HAVCR1: variants seen among roughly 807,000 people sequenced by gnomAD.
HAVCR1 encodes the protein T cell immunoglobin domain and mucin domain protein 1.
A neutral mutation model predicts 32.0 loss-of-function variants in HAVCR1; 34 were observed. The ratio of observed to expected loss-of-function variants is 1.06; its 90% CI spans 0.81 to 1.42. The LOEUF (loss-of-function observed/expected upper bound fraction) is 1.42. HAVCR1 is among the 40% of genes most tolerant of loss of function. The pLI is 0.00. For missense variants in HAVCR1, 420 were observed against 442.3 expected (o/e 0.95, Z 0.45); for synonymous variants, 178 against 170.3 (o/e 1.05, Z -0.35).
At chr5:157,041,454 C>T (rs1478636652) in intron 6 of HAVCR1, among the ~76,000 whole-genome samples, 2 of 151,120 alleles carry the variant, frequency 1.3e-5, no homozygotes, top group African/African-American at 2.4e-5. Context: ...GCTGGGATCC[C>T]GCCAGTGCAC....
chr5:157,052,347 C>G lies in HAVCR1; in HGVS notation c.673+14G>C. The G allele has an allele frequency of 6.2e-7, 1 of 1,612,846 alleles. No individual in the cohort carries two copies. Among genetic ancestry groups the G allele is most frequent in the South Asian group, 1.1e-5 (1 of 91,048 alleles). Reference sequence around the variant, plus strand: ...ATTAGAAGGCCTTTGGGCTTCCAAACACATCTGTTTTACCTGGTTCATGGT... The same window carrying G: ...ATTAGAAGGCCTTTGGGCTTCCAAAGACATCTGTTTTACCTGGTTCATGGT... On this transcript the variant is annotated intron_variant, in intron 4 of 8. Transcript: ENST00000523175.
chr5:157,052,312 G>C (rs1553318), intron 4 of HAVCR1, 49 bp downstream of exon 4: 986,805 of 1,542,454 alleles, frequency 0.64, 320,365 homozygotes, highest in East Asian at 0.84. Context: ...TGGATGGTCC[G>C]CAGCTCCTCA....
upstream of HAVCR1, among the ~76,000 whole-genome samples, chr5:157,063,132 AG>A (rs70984432): frequency 0.58 from 78,575 of 136,462 alleles, 21,965 homozygotes; most frequent in East Asian, 0.8. Flanking sequence ...AAAAAAAAAA[AG>A]AAAGAAAGAA....
intron 6 of HAVCR1, among the ~76,000 whole-genome samples, chr5:157,040,929 A>T (rs781047644): frequency 1.3e-5 from 2 of 152,058 alleles, no homozygotes; most frequent in Non-Finnish European, 2.9e-5. Flanking sequence ...AAATAATAAA[A>T]AATAAAAACC....
At position 157,055,359 on chromosome 5, in the gene HAVCR1, T is replaced by A; in HGVS notation, c.221A>T (p.Asp74Val). ...GTCCCCCAATAGCTTATAGCGTGTG[T>A]CCTTCCGATAGGTGACGTGGGTTCC... ...TNGTHVTYRK[D>V]TRYKLLGDLS... The change falls in exon 3 of 9, where the codon GAC becomes GTC. Residue 74 changes from aspartate to valine, a missense_variant. Physicochemically the swap from Asp to Val is radical, Grantham distance 152. Transcript: ENST00000523175. The A allele has an allele frequency of 1.2e-6, 2 of 1,613,852 alleles. No individual in the cohort carries two copies.
At chr5:157,031,183 TCG>T (rs1271375047) in intron 8 of HAVCR1, among the ~76,000 whole-genome samples, 5 of 152,204 alleles carry the variant, frequency 3.3e-5, no homozygotes, top group Non-Finnish European at 4.4e-5. Flanking sequence ...AGTGCCTCTC[TCG>T]CAGTTTATTG....
intron 4 of HAVCR1, among the ~76,000 whole-genome samples, chr5:157,049,464 C>T (rs948463471): frequency 6.6e-6 from 1 of 152,200 alleles, no homozygotes; most frequent in Non-Finnish European, 1.5e-5. Flanking sequence ...CTCCCAGGTT[C>T]CCTCTAAATA....
At chr5:157,062,078 A>AC (rs1432911008), upstream of HAVCR1, among the ~76,000 whole-genome samples, 1 of 151,996 alleles carries the variant, frequency 6.6e-6, no homozygotes, top group Non-Finnish European at 1.5e-5. Context: ...AAACTTCATG[A>AC]CCCCCCTGAA....
chr5:157,032,760 T>TG, intron 8 of HAVCR1, 94 bp downstream of exon 8: 1 of 772,174 alleles, frequency 1.3e-6, no homozygotes, highest in Non-Finnish European at 2.3e-6. Flanking sequence ...ATCCAAGGTA[T>TG]GCGATGGAGA....
intron 7 of HAVCR1, 70 bp downstream of exon 7, chr5:157,037,177 G>T: frequency 1.3e-6 from 1 of 785,420 alleles, no homozygotes; most frequent in Admixed American, 1.9e-5. Flanking sequence ...TGTGACTTAT[G>T]AAACTAGTGA....
chr5:157,063,373 C>T (rs1756532355), upstream of HAVCR1, among the ~76,000 whole-genome samples: 1 of 150,396 alleles, frequency 6.6e-6, no homozygotes, highest in African/African-American at 2.4e-5. Flanking sequence ...GCAAACTCTG[C>T]CTCCTGGGTT....
upstream of HAVCR1, among the ~76,000 whole-genome samples, chr5:157,062,062 T>C (rs549306116): frequency 2.6e-5 from 4 of 152,338 alleles, no homozygotes; most frequent in African/African-American, 9.6e-5. Flanking sequence ...CACTACTCTT[T>C]AGGGCAAACT....
rs541552417 is a variant in HAVCR1 at position 157,031,426 on chromosome 5, C to A, written c.986+1428G>T. On this transcript the variant is annotated intron_variant, in intron 8 of 8. Transcript: ENST00000523175. ...TCCTTGCTTAAAACTCAGCCTGAAC[C>A]AAATGAAGCAGGCTGGCTGGCTTTA... Among the ~76,000 whole-genome samples the A allele has an allele frequency of 5.3e-5, 8 of 152,282 alleles. No individual in the cohort carries two copies. In the East Asian group the frequency reaches 1.5e-3, roughly 29 times the overall value.
intron 5 of HAVCR1, among the ~76,000 whole-genome samples, chr5:157,044,443 G>GA (rs1305551996): frequency 2.2e-4 from 9 of 41,110 alleles, no homozygotes; most frequent in South Asian, 9.3e-4. Context: ...AAGAAAGAAA[G>GA]AAAGAAAGAA....
At chr5:157,048,968 G>T in intron 5 of HAVCR1, 70 bp downstream of exon 5, 2 of 878,734 alleles carry the variant, frequency 2.3e-6, no homozygotes, top group Non-Finnish European at 3.9e-6. Context: ...CAGAGCGTGT[G>T]CTCTCAACAA....
rs1217360774 is a variant in HAVCR1, at chr5:157,055,289, C to T, written c.291G>A (p.Val97=). The part of the protein sequence containing the change: ...DVSLTIENTA[V]SDSGVYCCRV... ...GGCAACAATATACGCCACTGTCAGACACAGCTGTATTTTCTATGGTCAAAG... is the reference window on the plus strand; with the variant it reads ...GGCAACAATATACGCCACTGTCAGATACAGCTGTATTTTCTATGGTCAAAG... Residue 97 remains valine (V), a synonymous_variant, in exon 3 of 9, where the codon GTG becomes GTA. Transcript: ENST00000523175. 1 of 1,613,470 alleles carries T rather than the reference C, an allele frequency of 6.2e-7. No homozygotes were observed. The highest frequency in any genetic ancestry group is 1.1e-5 in the South Asian group (1 of 91,052).
chr5:157,062,952 T>C (rs1756519699), upstream of HAVCR1, among the ~76,000 whole-genome samples: 1 of 151,780 alleles, frequency 6.6e-6, no homozygotes, highest in Admixed American at 6.6e-5. Flanking sequence ...AACCCCTGTC[T>C]CTACTAAAAC....
chr5:157,066,729 G>A, the HAVCR1 span, among the ~76,000 whole-genome samples: 128,797 of 152,026 alleles, frequency 0.85, 54,846 homozygotes, highest in East Asian at 0.99. Context: ...ACGCTAAGTG[G>A]GCACATATGT....
At chr5:157,057,395 G>C (rs1756239767) in intron 2 of HAVCR1, among the ~76,000 whole-genome samples, 1 of 11,616 alleles carries the variant, frequency 8.6e-5, no homozygotes, top group African/African-American at 1.8e-4. Context: ...AGGAAAGAAA[G>C]AAAGAAAGAA....
Sources: allele counts gnomAD v4.1 joint callset (sites outside exome capture counted in the v4.1 genomes callset), GRCh38; gene constraint gnomAD v4.1.1; transcripts MANE v1.5; gene names NCBI Gene and HGNC (gene_info 2026-07-23, HGNC 2026-07-21).